The following AUTS2 variants were observed in gnomAD, a reference collection of about 807,000 sequenced individuals.
AUTS2 encodes the protein activator of transcription and developmental regulator AUTS2, also known as autism susceptibility gene 2 protein.
AUTS2 carries 17 observed loss-of-function variants against 112.4 expected under a neutral mutation model. That is an observed-to-expected ratio of 0.15 (90% CI 0.10 to 0.23). The LOEUF is 0.23. Ranked by LOEUF, AUTS2 falls within the 10% of genes least tolerant of loss-of-function variation. The pLI is 1.00. For missense variants in AUTS2, 1,510 were observed against 1,701.6 expected (o/e 0.89, Z 1.98); for synonymous variants, 751 against 702.7 (o/e 1.07, Z -1.09).
intron 1 of AUTS2, among the ~76,000 whole-genome samples, chr7:69,678,132 A>C (rs1453770314): frequency 2.0e-5 from 3 of 152,212 alleles, no homozygotes; most frequent in East Asian, 1.9e-4. Context: ...GAAATCTGGA[A>C]GTGCTCATCT....
chr7:69,941,864 TG>T (rs2129545046), intron 2 of AUTS2, among the ~76,000 whole-genome samples: 1 of 152,298 alleles, frequency 6.6e-6, no homozygotes, highest in Non-Finnish European at 1.5e-5. Flanking sequence ...TTAGATTAAA[TG>T]CTATCTTCCT....
At chr7:70,532,815 T>A (rs1230753285) in intron 5 of AUTS2, among the ~76,000 whole-genome samples, 2 of 152,196 alleles carry the variant, frequency 1.3e-5, no homozygotes, top group African/African-American at 4.8e-5. Context: ...AGAAAGGGAA[T>A]GACAGGTAGG....
chr7:70,258,038 T>G (rs757817425), intron 4 of AUTS2, among the ~76,000 whole-genome samples: 1 of 152,232 alleles, frequency 6.6e-6, no homozygotes, highest in Non-Finnish European at 1.5e-5. Context: ...TTTAGCAAGC[T>G]GCTGTGCCAA....
intron 4 of AUTS2, among the ~76,000 whole-genome samples, chr7:70,324,336 C>A (rs1275156729): frequency 2.0e-5 from 3 of 152,148 alleles, no homozygotes; most frequent in African/African-American, 7.2e-5. Context: ...GAACAACTAT[C>A]TGATGAAGCT....
At chr7:69,906,569 G>C (rs1004905041) in intron 2 of AUTS2, among the ~76,000 whole-genome samples, 1 of 152,208 alleles carries the variant, frequency 6.6e-6, no homozygotes, top group African/African-American at 2.4e-5. Context: ...ATGCTCTTTA[G>C]CAACTGCTTT....
intron 4 of AUTS2, chr7:70,290,558 A>G (rs1788663704): frequency 6.7e-7 from 1 of 1,493,612 alleles, no homozygotes. Context: ...TCTATGTGAT[A>G]TAGATTCTGT....
At chr7:70,307,017 T>C (rs1395852964) in intron 4 of AUTS2, among the ~76,000 whole-genome samples, 1 of 152,210 alleles carries the variant, frequency 6.6e-6, no homozygotes, top group African/African-American at 2.4e-5. Context: ...ACTGTTTTTG[T>C]AATGTGTATT....
At chr7:69,884,112 T>G (rs753151323) in intron 1 of AUTS2, among the ~76,000 whole-genome samples, 90 of 152,186 alleles carry the variant, frequency 5.9e-4, no homozygotes, top group Non-Finnish European at 1.1e-3. Context: ...TTAAAGTGTG[T>G]CATCTGTGGG....
At chr7:70,645,553 A>G (rs1029386483) in intron 5 of AUTS2, among the ~76,000 whole-genome samples, 2 of 151,982 alleles carry the variant, frequency 1.3e-5, no homozygotes, top group Non-Finnish European at 2.9e-5. Flanking sequence ...GTTTTTTCCC[A>G]TAGAGTTTTC....
At chr7:69,752,397 A>G (rs1787776043) in intron 1 of AUTS2, among the ~76,000 whole-genome samples, 1 of 152,166 alleles carries the variant, frequency 6.6e-6, no homozygotes, top group Non-Finnish European at 1.5e-5. Context: ...ATAATATAGG[A>G]ATTAGTCTTT....
At chr7:69,792,349 C>T (rs1301833493) in intron 1 of AUTS2, among the ~76,000 whole-genome samples, 1 of 151,908 alleles carries the variant, frequency 6.6e-6, no homozygotes, top group Non-Finnish European at 1.5e-5. Context: ...ATGCCATTCT[C>T]CTGCCTCAGC....
chr7:70,408,297 C>A (rs1490841852), intron 4 of AUTS2, among the ~76,000 whole-genome samples: 1 of 152,090 alleles, frequency 6.6e-6, no homozygotes, highest in African/African-American at 2.4e-5. Flanking sequence ...ATCGTAGGGT[C>A]AGCTCAGGAA....
chr7:70,355,708 G>T (rs141579032), intron 4 of AUTS2, among the ~76,000 whole-genome samples: 13 of 152,182 alleles, frequency 8.5e-5, no homozygotes, highest in Non-Finnish European at 1.8e-4. Context: ...GAAGCTTTAT[G>T]GCTCTAGCAG....
chr7:70,574,418 C>T (rs1271462497), intron 5 of AUTS2, among the ~76,000 whole-genome samples: 1 of 152,104 alleles, frequency 6.6e-6, no homozygotes, highest in Admixed American at 6.5e-5. Flanking sequence ...ATCCCCTTGC[C>T]CTTGATGATT....
chr7:70,103,751 CA>C (rs1000720815), intron 2 of AUTS2, among the ~76,000 whole-genome samples: 17 of 149,880 alleles, frequency 1.1e-4, no homozygotes, highest in Non-Finnish European at 2.2e-4. Context: ...ACTAAAGATA[CA>C]AAAAAAAATT....
intron 5 of AUTS2, among the ~76,000 whole-genome samples, chr7:70,621,670 C>T (rs1259941398): frequency 6.6e-6 from 1 of 152,020 alleles, no homozygotes; most frequent in East Asian, 1.9e-4. Flanking sequence ...TTCAGCTCCA[C>T]TTATTTTTAA....
At chr7:70,768,816 G>A (rs1790109591) in intron 10 of AUTS2, among the ~76,000 whole-genome samples, 1 of 149,378 alleles carries the variant, frequency 6.7e-6, no homozygotes, top group Non-Finnish European at 1.5e-5. Context: ...ATATTTTGAT[G>A]ATGGGGTGAA....
chr7:70,059,975 T>G (rs1190930380), intron 2 of AUTS2, among the ~76,000 whole-genome samples: 1 of 152,196 alleles, frequency 6.6e-6, no homozygotes, highest in Non-Finnish European at 1.5e-5. Flanking sequence ...GTTCACCACT[T>G]TAGACTAAAT....
At chr7:70,185,687 C>G (rs934160669) in intron 4 of AUTS2, among the ~76,000 whole-genome samples, 1 of 152,126 alleles carries the variant, frequency 6.6e-6, no homozygotes, top group African/African-American at 2.4e-5. Context: ...ATAAGCTTTT[C>G]AGAAGCATTA....
Sources: allele counts gnomAD v4.1 joint callset (sites outside exome capture counted in the v4.1 genomes callset), GRCh38; gene constraint gnomAD v4.1.1; transcripts MANE v1.5; gene names NCBI Gene and HGNC (gene_info 2026-07-23, HGNC 2026-07-21).